NFRKB: variants seen among roughly 807,000 people sequenced by gnomAD.
The protein encoded by NFRKB is nuclear factor related to kappa-B-binding protein.
In NFRKB, 62 loss-of-function variants were observed where a neutral mutation model predicts 135.7. That is an observed-to-expected ratio of 0.46 (90% CI 0.37 to 0.56). The LOEUF is 0.56. Ranked by LOEUF, NFRKB falls within the 20% of genes least tolerant of loss-of-function variation. The pLI, the probability that NFRKB is intolerant of heterozygous loss-of-function variation, is 0.00. For missense variants in NFRKB, 1,545 were observed against 1,662.0 expected, an observed-to-expected ratio of 0.93 and a Z score of 1.22; for synonymous variants, 678 against 635.6, an observed-to-expected ratio of 1.07 and a Z score of -1.00.
intron 26 of NFRKB, 26 bp downstream of exon 26, chr11:129,864,940 G>A: frequency 2.5e-6 from 4 of 1,612,268 alleles, no homozygotes; most frequent in Non-Finnish European, 3.4e-6. Context: ...AGCCGGATAT[G>A]GCCAAGAATT....
intron 3 of NFRKB, among the ~76,000 whole-genome samples, chr11:129,890,429 A>G (rs909293051): frequency 1.3e-5 from 2 of 152,172 alleles, no homozygotes; most frequent in African/African-American, 2.4e-5. Context: ...GAAAACATGG[A>G]TGGGAAGTAT....
Position 129,874,178 on chromosome 11 carries a change from T to G in NFRKB, c.2214A>C (p.Pro738=), listed in dbSNP as rs770461335. Residue 738 remains proline, a synonymous_variant, in exon 21 of 27, where the codon CCA becomes CCC. Coordinates refer to ENST00000682444, the MANE Select transcript of NFRKB (RefSeq NM_001143835.2). This position sits in a 1 kb window ranked among gnomAD's most constrained non-coding sequence, Gnocchi z 4.5. ...PALPAIPISP[P]PVSAVNKSGP... ...CGCTTTTGTTCACTGCCGATACAGG[T>G]GGAGGGGAGATGGGAATGGCGGGCA... The G allele has an allele frequency of 6.6e-7, 1 of 1,520,852 alleles. No homozygotes were observed. Among genetic ancestry groups the G allele is most frequent in the South Asian group, 1.3e-5 (1 of 74,518 alleles). The allele number at this position is 1,520,852 out of a possible 1,614,324, so 94.2% of individuals were successfully genotyped here.
At chr11:129,880,048 ATG>A (rs1369541204) in intron 13 of NFRKB, among the ~76,000 whole-genome samples, 4 of 152,186 alleles carry the variant, frequency 2.6e-5, no homozygotes, top group Middle Eastern at 3.4e-3. Context: ...ACAGCCAGGC[ATG>A]GTTGCGTACG....
At position 129,875,426 on chromosome 11, in the gene NFRKB, G is replaced by A. The variant is rs1044051761; in HGVS notation, c.1785C>T (p.Gly595=). 14 of 1,611,640 alleles carry A rather than the reference G, an allele frequency of 8.7e-6. No homozygotes were observed. Among genetic ancestry groups the A allele is most frequent in the Non-Finnish European group, 1.2e-5 (14 of 1,179,368 alleles). ...GCAGTTCACAGATCTCTGCCCGTGT[G>A]CCTTCTCCATTAGGCAGTCGAGCCG... ...DAAARLPNGE[G]TRAEICELLK... is the part of the protein sequence containing the mutation. The change falls in exon 18 of 27, where the codon GGC becomes GGT. Residue 595 remains glycine (G), a synonymous_variant. Coordinates refer to ENST00000682444, the MANE Select transcript of NFRKB (RefSeq NM_001143835.2).
intron 13 of NFRKB, among the ~76,000 whole-genome samples, chr11:129,878,974 G>C (rs1290197689): frequency 1.3e-5 from 2 of 152,120 alleles, no homozygotes; most frequent in African/African-American, 4.8e-5. Flanking sequence ...TGGCTAGTGG[G>C]GCACAGAGAA....
chr11:129,892,623 A>G lies in NFRKB; in HGVS notation c.135+92T>C, dbSNP rs925953465. On this transcript the variant is annotated intron_variant, in intron 3 of 26. Coordinates refer to ENST00000682444, the MANE Select transcript of NFRKB (RefSeq NM_001143835.2). ...TAGAAAATGAACAAAAGGGAGCACAAAAGACTGGAAATGTAGAGTGGAAAA... is the reference window on the plus strand; with the variant it reads ...TAGAAAATGAACAAAAGGGAGCACAGAAGACTGGAAATGTAGAGTGGAAAA... The G allele has an allele frequency of 3.6e-6, 5 of 1,371,816 alleles. No homozygotes were observed. In the Admixed American group the frequency reaches 7.7e-5, roughly 21 times the overall value. 85.0% of individuals were successfully genotyped at this position (1,371,816 alleles called of 1,614,324 possible). A position where few individuals can be genotyped will look rare whatever the true frequency, so the allele number is the denominator to read the frequency against.
rs138063841 is a variant in NFRKB at position 129,865,085 on chromosome 11, G to C, written c.3655C>G (p.Arg1219Gly). ...GGCATAGTTGTGAGGATGATGTTGC[G>C]GCCCAACCCACTGAGGCTGTGGAGG... Reference protein sequence around the residue: ...NLGANLSGLGRNIILTTMPAG... With the variant: ...NLGANLSGLGGNIILTTMPAG... The change falls in exon 26 of 27, where the codon CGC becomes GGC. Residue 1219 changes from arginine to glycine, a missense_variant. This residue lies in a region of NFRKB where 753 missense variants were observed against 804.3 expected (regional missense o/e 0.94). Transcript: ENST00000682444. 3 of 1,610,242 alleles carry C rather than the reference G, an allele frequency of 1.9e-6. No homozygotes were observed. The highest frequency in any genetic ancestry group is 2.5e-6 in the Non-Finnish European group (3 of 1,178,188).
chr11:129,876,105 C>T (rs976354004), intron 17 of NFRKB, among the ~76,000 whole-genome samples: 6 of 152,188 alleles, frequency 3.9e-5, no homozygotes, highest in Admixed American at 3.9e-4. Flanking sequence ...TACTGCAGTG[C>T]TGTGATGGTG....
chr11:129,883,932 C>G lies in NFRKB; in HGVS notation c.816+138G>C, dbSNP rs940954558. On this transcript the variant is annotated intron_variant, in intron 8 of 26. Transcript: ENST00000682444. ...GCCTCACATCGTTGATGCTAGCTAG[C>G]CTCGCCAGCTGCTCCTGTGCCCACA... 3.3e-6 allele frequency: 3 copies of G among 903,968 alleles called. No individual in the cohort carries two copies. In the East Asian group the frequency reaches 7.2e-5, roughly 22 times the overall value. The allele number at this position is 903,968 out of a possible 1,614,324, so 56.0% of individuals were successfully genotyped here.
At chr11:129,867,968 T>A (rs1948287657) in intron 24 of NFRKB, among the ~76,000 whole-genome samples, 1 of 152,140 alleles carries the variant, frequency 6.6e-6, no homozygotes, top group Admixed American at 6.5e-5. Context: ...TTCTACTTCA[T>A]CCTATTCACA....
chr11:129,876,635 T>G, intron 17 of NFRKB, 86 bp downstream of exon 17: 1 of 1,301,164 alleles, frequency 7.7e-7, no homozygotes, highest in Non-Finnish European at 1.0e-6. Flanking sequence ...GGTGGAGGGG[T>G]AAGGAGAGGA....
At position 129,864,826 on chromosome 11, in the gene NFRKB, A is replaced by G. The variant is rs990900572; in HGVS notation, c.3799T>C (p.Ser1267Pro). 3 of 1,614,164 alleles carry G rather than the reference A, an allele frequency of 1.9e-6. No homozygotes were observed. Among genetic ancestry groups the G allele is most frequent in the Admixed American group, 3.3e-5 (2 of 60,030 alleles). ...GAAGCTGTTCCCTGTTGGAGATGGG[A>G]TGCAGGGACAGTCTGGATGCGCACC... is the stretch of plus-strand genomic sequence containing the variant. ...TQVRIQTVPA[S>P]HLQQGTASGS... The change falls in exon 27 of 27, where the codon TCC becomes CCC. Residue 1267 changes from serine to proline, a missense_variant. Around this residue, in one of 3 missense-constraint regions of NFRKB, gnomAD observed 753 missense variants for 804.3 expected, o/e 0.94. Transcript: ENST00000682444.
chr11:129,867,595 G>A (rs1301432644), intron 24 of NFRKB, among the ~76,000 whole-genome samples: 5 of 152,188 alleles, frequency 3.3e-5, no homozygotes, highest in African/African-American at 1.2e-4. Context: ...GGGATTACAG[G>A]TGTGAGACAC....
rs1434921482 is a variant in NFRKB at position 129,882,681 on chromosome 11, G to A, written c.902-50C>T. The stretch of plus-strand genomic sequence containing the variant: ...CACAGAAATGTATCTCCTACACAGG[G>A]AAGTGAGGGGTCTTATCTGCATATT... On this transcript the variant is annotated intron_variant, in intron 9 of 26. Transcript: ENST00000682444. The A allele has an allele frequency of 2.6e-6, 4 of 1,552,122 alleles. No individual in the cohort carries two copies. In the African/African-American group the frequency reaches 5.5e-5, roughly 21 times the overall value.
rs761242347 is a variant in NFRKB, at chr11:129,873,008, G to C, written c.2639C>G (p.Thr880Arg). The C allele has an allele frequency of 6.2e-7, 1 of 1,614,202 alleles. No individual in the cohort carries two copies. Among genetic ancestry groups the C allele is most frequent in the Non-Finnish European group, 8.5e-7 (1 of 1,180,032 alleles). The change falls in exon 23 of 27, where the codon ACA (threonine) becomes AGA (arginine). Residue 880 changes from threonine to arginine, a missense_variant. By Grantham distance (71) the Thr-to-Arg change is moderately conservative. Around this residue, in one of 3 missense-constraint regions of NFRKB, gnomAD observed 753 missense variants for 804.3 expected, o/e 0.94. Transcript: ENST00000682444. ...AGGGCTGGCTGTGGCAGGGAGACTT[G>C]TCACCGTGAGCCCTGTCTGCCCGGG... is the stretch of plus-strand genomic sequence containing the variant. Reference protein sequence around the residue: ...PGPGQTGLTVTSLPATASPVS... With the variant: ...PGPGQTGLTVRSLPATASPVS...
At chr11:129,879,264 A>G (rs536045536) in intron 13 of NFRKB, among the ~76,000 whole-genome samples, 2 of 152,350 alleles carry the variant, frequency 1.3e-5, no homozygotes, top group Admixed American at 6.5e-5. Flanking sequence ...CACTATTTGC[A>G]GAAACCTCCC....
In NFRKB at chr11:129,869,839, T is replaced by A; in HGVS notation, c.3186A>T (p.Pro1062=). The A allele has an allele frequency of 6.2e-7, 1 of 1,614,242 alleles. No individual in the cohort carries two copies. The highest frequency in any genetic ancestry group is 8.5e-7 in the Non-Finnish European group (1 of 1,180,054). ...EASSSAFRLM[P]ALGVSVADQK... ...GGTCAGCCACACTCACGCCAAGAGC[T>A]GGCATCAAGCGAAAAGCCGAACTTG... Residue 1062 remains proline (P), a synonymous_variant, in exon 24 of 27, where the codon CCA becomes CCT. Transcript: ENST00000682444.
chr11:129,881,122 A>G (rs1949006095), intron 13 of NFRKB, among the ~76,000 whole-genome samples: 1 of 152,234 alleles, frequency 6.6e-6, no homozygotes, highest in South Asian at 2.1e-4. Context: ...TTACAAATTA[A>G]TCCAAAGTCA....
At chr11:129,877,251 G>A in intron 16 of NFRKB, 74 bp downstream of exon 16, 2 of 1,413,340 alleles carry the variant, frequency 1.4e-6, no homozygotes, top group South Asian at 1.2e-5. Flanking sequence ...GGTAGATGCA[G>A]GAGAGTCAGG....
Sources: allele counts gnomAD v4.1 joint callset (sites outside exome capture counted in the v4.1 genomes callset), GRCh38; gene constraint gnomAD v4.1.1; regional missense constraint gnomAD v4.1.1; non-coding constraint Gnocchi (gnomAD v3.1); transcripts MANE v1.5; gene names NCBI Gene and HGNC (gene_info 2026-07-23, HGNC 2026-07-21).